Variants in ULK4 observed in about 807,000 individuals in gnomAD.
The protein encoded by ULK4 is unc-51 like kinase 4.
ULK4 carries 133 observed loss-of-function variants against 160.6 expected under a neutral mutation model. That is an observed-to-expected ratio of 0.83 (90% CI 0.72 to 0.96). The LOEUF (loss-of-function observed/expected upper bound fraction) is 0.96, where lower values mean the gene tolerates loss of function less well. Among genes scored for constraint, ULK4 ranks in the 40% least tolerant of loss-of-function variants. The pLI, the probability that ULK4 is intolerant of heterozygous loss-of-function variation, is 0.00. For synonymous variants in ULK4, 534 were observed against 539.8 expected, an observed-to-expected ratio of 0.99 and a Z score of 0.15; for missense variants, 1,580 against 1,499.5, an observed-to-expected ratio of 1.05 and a Z score of -0.89.
intron 21 of ULK4, among the ~76,000 whole-genome samples, chr3:41,756,139 G>A (rs2038796644): frequency 6.6e-6 from 1 of 152,164 alleles, no homozygotes; most frequent in Middle Eastern, 3.2e-3. Flanking sequence ...ATGAGTACTA[G>A]CCAAACTCAG....
intron 1 of ULK4, among the ~76,000 whole-genome samples, chr3:41,961,633 C>T (rs1700677467): frequency 6.6e-6 from 1 of 150,868 alleles, no homozygotes; most frequent in African/African-American, 2.5e-5. Context: ...CGTCCGTAGG[C>T]ATCAGTCCGC....
chr3:41,954,230 T>C (rs1312326015), intron 2 of ULK4, among the ~76,000 whole-genome samples: 2 of 148,662 alleles, frequency 1.3e-5, no homozygotes, highest in Non-Finnish European at 3.0e-5. Context: ...CGTGGTGGTA[T>C]GTGCCTGTAG....
intron 32 of ULK4, among the ~76,000 whole-genome samples, chr3:41,539,551 CTG>C (rs35487061): frequency 0.51 from 77,467 of 151,688 alleles, 19,869 homozygotes; most frequent in Middle Eastern, 0.57. Context: ...TTTGTGAAAA[CTG>C]AAGCATATAC....
At chr3:41,681,835 C>G (rs761104283) in intron 27 of ULK4, 31 bp from the exon 28 acceptor site, 2 of 1,611,074 alleles carry the variant, frequency 1.2e-6, no homozygotes, top group South Asian at 2.2e-5. Context: ...GACTCAGAAT[C>G]TCTATGAACA....
chr3:41,856,840 C>T (rs2125679557), intron 17 of ULK4, among the ~76,000 whole-genome samples: 1 of 151,756 alleles, frequency 6.6e-6, no homozygotes, highest in South Asian at 2.1e-4. Context: ...AGAAGGGAGG[C>T]AGAAGTTGCA....
intron 35 of ULK4, among the ~76,000 whole-genome samples, chr3:41,346,562 C>T (rs2080804333): frequency 1.3e-5 from 2 of 151,996 alleles, no homozygotes; most frequent in African/African-American, 2.4e-5. Flanking sequence ...TGAGGAGGAA[C>T]GGACAGAGGG....
chr3:41,507,608 C>T (rs2085435468), intron 32 of ULK4, among the ~76,000 whole-genome samples: 1 of 54,406 alleles, frequency 1.8e-5, no homozygotes, highest in African/African-American at 6.8e-5. Flanking sequence ...ATTAAAACCA[C>T]CACCAAAAAA....
chr3:41,926,556 T>C (rs1327777655), intron 5 of ULK4, among the ~76,000 whole-genome samples: 1 of 152,106 alleles, frequency 6.6e-6, no homozygotes, highest in Non-Finnish European at 1.5e-5. Context: ...TCCTCCGAGC[T>C]AAAGAAGCAT....
chr3:41,416,681 A>G (rs1343084041), intron 34 of ULK4, among the ~76,000 whole-genome samples: 1 of 152,176 alleles, frequency 6.6e-6, no homozygotes, highest in Non-Finnish European at 1.5e-5. Flanking sequence ...ATTAGGAAAC[A>G]CAGCCTGAGT....
intron 32 of ULK4, among the ~76,000 whole-genome samples, chr3:41,523,779 G>C (rs911390564): frequency 3.3e-5 from 5 of 152,032 alleles, no homozygotes; most frequent in African/African-American, 1.2e-4. Flanking sequence ...CCACTCCTAG[G>C]TATATACCTA....
At chr3:41,831,770 A>G (rs1339942625) in intron 18 of ULK4, among the ~76,000 whole-genome samples, 1 of 151,156 alleles carries the variant, frequency 6.6e-6, no homozygotes, top group Non-Finnish European at 1.5e-5. Flanking sequence ...TCATTGTTCA[A>G]CTCCCATTTG....
chr3:41,549,872 G>A (rs928208961), intron 32 of ULK4, among the ~76,000 whole-genome samples: 1 of 151,948 alleles, frequency 6.6e-6, no homozygotes, highest in Non-Finnish European at 1.5e-5. Flanking sequence ...TAGAGGTCAG[G>A]AGACAATTGG....
At chr3:41,294,649 A>G (rs2079635098) in intron 35 of ULK4, among the ~76,000 whole-genome samples, 1 of 152,240 alleles carries the variant, frequency 6.6e-6, no homozygotes, top group African/African-American at 2.4e-5. Context: ...ACACTGAACC[A>G]AAACGTAAAG....
intron 32 of ULK4, among the ~76,000 whole-genome samples, chr3:41,532,196 C>G (rs775493132): frequency 6.6e-6 from 1 of 152,220 alleles, no homozygotes; most frequent in Non-Finnish European, 1.5e-5. Context: ...TCTACTGCAA[C>G]CACACATTCT....
intron 35 of ULK4, among the ~76,000 whole-genome samples, chr3:41,287,726 G>A (rs973422224): frequency 3.9e-5 from 6 of 152,136 alleles, no homozygotes; most frequent in African/African-American, 1.4e-4. Context: ...TCTCAACCAA[G>A]TACTCACAGT....
At chr3:41,750,368 A>G (rs2038578059) in intron 22 of ULK4, among the ~76,000 whole-genome samples, 1 of 152,136 alleles carries the variant, frequency 6.6e-6, no homozygotes, top group South Asian at 2.1e-4. Context: ...CAACCAGAAG[A>G]TTACTGCTAT....
At chr3:41,809,787 AATTT>A (rs1217353067) in intron 19 of ULK4, among the ~76,000 whole-genome samples, 6 of 152,110 alleles carry the variant, frequency 3.9e-5, no homozygotes, top group Non-Finnish European at 8.8e-5. Flanking sequence ...TTTTTTCAAT[AATTT>A]ATTTTTGCCC....
intron 21 of ULK4, among the ~76,000 whole-genome samples, chr3:41,768,000 T>C (rs1184052767): frequency 1.3e-5 from 2 of 152,142 alleles, no homozygotes; most frequent in Admixed American, 6.5e-5. Context: ...GTGGGCGAGC[T>C]AGCATTCTCA....
At chr3:41,705,217 TCAAA>T (rs1318165985) in intron 26 of ULK4, 33 bp downstream of exon 26, 2 of 1,612,154 alleles carry the variant, frequency 1.2e-6, no homozygotes, top group Non-Finnish European at 8.5e-7. Context: ...TCAAAGTACC[TCAAA>T]CAAAGACACA....
Sources: gnomAD v4.1 joint callset for allele counts (sites outside exome capture counted in the v4.1 genomes callset) on GRCh38, gnomAD v4.1.1 for gene constraint, MANE v1.5 for transcripts, NCBI Gene and HGNC (gene_info 2026-07-23, HGNC 2026-07-21) for gene names.